Variants in HECTD4 observed in about 807,000 individuals in gnomAD.
The protein encoded by HECTD4 is HECT domain E3 ubiquitin protein ligase 4, also known as probable E3 ubiquitin-protein ligase HECTD4.
Under a neutral mutation model 471.5 loss-of-function variants are expected in HECTD4, and 114 were observed. The ratio of observed to expected loss-of-function variants is 0.24; its 90% CI spans 0.21 to 0.28. The LOEUF (loss-of-function observed/expected upper bound fraction) is 0.28. Among genes scored for constraint, HECTD4 ranks in the 10% least tolerant of loss-of-function variants. The probability of loss-of-function intolerance (pLI) is 1.00; values close to 1 mark genes in which losing one functional copy is unlikely to be tolerated. For missense variants in HECTD4, 3,866 were observed against 5,651.5 expected (o/e 0.68, Z 10.13); for synonymous variants, 2,012 against 2,256.0 (o/e 0.89, Z 3.07).
Position 112,213,088 on chromosome 12 carries a change from G to A in HECTD4, c.7466-438C>T, listed in dbSNP as rs1326037051. ...TGGAATTACAGTCGTGAGCCACCACGCCCAGCCTAAGTTTTTGTATTTAGA... is the reference window on the plus strand; with the variant it reads ...TGGAATTACAGTCGTGAGCCACCACACCCAGCCTAAGTTTTTGTATTTAGA... On this transcript the variant is annotated intron_variant, in intron 48 of 75. Transcript: ENST00000682272. The surrounding 1 kb of genome is among the most constrained non-coding windows in gnomAD (Gnocchi z 4.0). Among the ~76,000 whole-genome samples, 6 of 152,120 alleles carry A rather than the reference G, an allele frequency of 3.9e-5. No homozygotes were observed. Among genetic ancestry groups the A allele is most frequent in the Admixed American group, 1.3e-4 (2 of 15,266 alleles).
At chr12:112,244,922 A>C (rs1408233798) in intron 29 of HECTD4, among the ~76,000 whole-genome samples, 1 of 152,248 alleles carries the variant, frequency 6.6e-6, no homozygotes, top group African/African-American at 2.4e-5. Flanking sequence ...AGATAAAACT[A>C]TATGTCATGA....
In HECTD4 at chr12:112,184,782, T is replaced by C; in HGVS notation, c.10184A>G (p.His3395Arg). 1.2e-6 allele frequency: 2 copies of C among 1,611,098 alleles called. No individual in the cohort carries two copies. Among genetic ancestry groups the C allele is most frequent in the Non-Finnish European group, 1.7e-6 (2 of 1,178,028 alleles). The change falls in exon 61 of 76, where the codon CAC becomes CGC. Residue 3395 changes from histidine to arginine, a missense_variant. This residue lies in a region of HECTD4 where 71 missense variants were observed against 144.5 expected (regional missense o/e 0.49). Transcript: ENST00000682272. This position sits in a 1 kb window ranked among gnomAD's most constrained non-coding sequence, Gnocchi z 9.1. ...ACQALVGPTAHSRLLVISGIP... is the reference protein window; with the variant it reads ...ACQALVGPTARSRLLVISGIP... ...CCCGGAGATCACCAGCAAGCGGCTGTGGGCGGTGGGGCCCACCAGGGCCTG... is the reference window on the plus strand; with the variant it reads ...CCCGGAGATCACCAGCAAGCGGCTGCGGGCGGTGGGGCCCACCAGGGCCTG...
chr12:112,204,436 C>T (rs1367270083), intron 53 of HECTD4, 50 bp downstream of exon 53: 3 of 1,562,222 alleles, frequency 1.9e-6, no homozygotes, highest in South Asian at 1.2e-5. Context: ...AAAATTCAAC[C>T]TCTCATTTCA....
chr12:112,222,626 C>T (rs1196395165), intron 44 of HECTD4, among the ~76,000 whole-genome samples: 1 of 152,146 alleles, frequency 6.6e-6, no homozygotes, highest in African/African-American at 2.4e-5. Flanking sequence ...AAGATCGTGC[C>T]ACCGCACTCC....
intron 13 of HECTD4, among the ~76,000 whole-genome samples, chr12:112,268,696 C>T (rs142941158): frequency 1.5e-3 from 220 of 150,646 alleles, no homozygotes; most frequent in Non-Finnish European, 2.8e-3. Flanking sequence ...GCGGAGATTG[C>T]GGTGAGCTGA....
At position 112,162,633 on chromosome 12, in the gene HECTD4, C is replaced by A; in HGVS notation, c.13121-110G>T. 7.6e-7 allele frequency: 1 copy of A among 1,323,896 alleles called. No individual in the cohort carries two copies. Among genetic ancestry groups the A allele is most frequent in the Non-Finnish European group, 1.1e-6 (1 of 951,434 alleles). 82.0% of individuals were successfully genotyped at this position (1,323,896 alleles called of 1,614,324 possible). On this transcript the variant is annotated intron_variant, in intron 75 of 75. Transcript: ENST00000682272. This position sits in a 1 kb window ranked among gnomAD's most constrained non-coding sequence, Gnocchi z 5.2. ...TTTGCCTCCTTGGGTAGCCCCAAGC[C>A]AATCCTGGGGCCCAGCAGGAGGGGG...
intron 55 of HECTD4, among the ~76,000 whole-genome samples, chr12:112,200,230 C>T (rs568279953): frequency 3.3e-5 from 5 of 151,810 alleles, no homozygotes; most frequent in East Asian, 3.9e-4. Flanking sequence ...CTTGGCTCAC[C>T]GCAACCTCCG....
intron 64 of HECTD4, among the ~76,000 whole-genome samples, chr12:112,178,489 T>A (rs1049898400): frequency 2.6e-5 from 4 of 152,214 alleles, no homozygotes; most frequent in Non-Finnish European, 5.9e-5. Flanking sequence ...GAAACTCTGA[T>A]GTTCACCTGA....
At chr12:112,378,557 A>G (rs2036827541) in intron 1 of HECTD4, among the ~76,000 whole-genome samples, 1 of 152,094 alleles carries the variant, frequency 6.6e-6, no homozygotes, top group South Asian at 2.1e-4. Flanking sequence ...ACTCTTCTGC[A>G]GTAAGGTTGC....
chr12:112,345,889 C>T (rs867790803), intron 1 of HECTD4, among the ~76,000 whole-genome samples: 12 of 152,212 alleles, frequency 7.9e-5, no homozygotes, highest in African/African-American at 2.9e-4. Flanking sequence ...AGCGAGACTC[C>T]GTCTCAAAAA....
At chr12:112,369,296 T>C (rs575219590) in intron 1 of HECTD4, among the ~76,000 whole-genome samples, 2 of 152,178 alleles carry the variant, frequency 1.3e-5, no homozygotes, top group South Asian at 4.1e-4. Context: ...TGGATGCATC[T>C]TTTGGAGCGA....
rs1217914403 is a variant in HECTD4 at position 112,273,764 on chromosome 12, T to C, written c.1833A>G (p.Leu611=). Residue 611 remains leucine, a synonymous_variant, in exon 11 of 76, where the codon CTA becomes CTG. Transcript: ENST00000682272. ...CGATATAGTCATTTGAGCATGTCCA[T>C]AGCATGTTGTTCACTGTGTCATAAC... is the stretch of plus-strand genomic sequence containing the variant. The part of the protein sequence containing the change: ...GACYDTVNNM[L]WTCSNDYIDQ... The C allele has an allele frequency of 1.9e-6, 3 of 1,613,982 alleles. No individual in the cohort carries two copies. The highest frequency in any genetic ancestry group is 2.2e-5 in the East Asian group (1 of 44,890).
At chr12:112,200,867 G>A in intron 54 of HECTD4, 69 bp from the exon 55 acceptor site, 1 of 1,278,098 alleles carries the variant, frequency 7.8e-7, no homozygotes, top group South Asian at 1.4e-5. Flanking sequence ...GTGCGTGCGT[G>A]TGTGTGTGCG....
chr12:112,359,350 T>C (rs1424878902), intron 1 of HECTD4, among the ~76,000 whole-genome samples: 10 of 151,372 alleles, frequency 6.6e-5, no homozygotes, highest in African/African-American at 4.9e-5. Flanking sequence ...CAAAAAAAAA[T>C]TGCAAACTCT....
chr12:112,261,249 A>G (rs1317830255), intron 18 of HECTD4, 56 bp downstream of exon 18: 1 of 1,481,658 alleles, frequency 6.7e-7, no homozygotes, highest in Non-Finnish European at 9.0e-7. Context: ...TAATTTCAAT[A>G]AACAAACTTT....
intron 5 of HECTD4, 32 bp downstream of exon 5, chr12:112,309,529 C>T (rs1394519609): frequency 1.1e-6 from 1 of 916,952 alleles, no homozygotes; most frequent in Non-Finnish European, 1.7e-6. Flanking sequence ...AATGTTCTAG[C>T]CCAATCATTC....
chr12:112,250,286 C>T lies in HECTD4; in HGVS notation c.3808G>A (p.Glu1270Lys). 1 of 1,613,960 alleles carries T rather than the reference C, an allele frequency of 6.2e-7. No homozygotes were observed. Among genetic ancestry groups the T allele is most frequent in the Non-Finnish European group, 8.5e-7 (1 of 1,179,872 alleles). ...PLPLTIEEDR[E>K]FTYPSDVLVP... ...AGGACATCAGAGGGGTAGGTGAATT[C>T]TCTGTCTTCCTCTATGGTCAGAGGC... The change falls in exon 25 of 76, where the codon GAA (glutamate) becomes AAA (lysine). Residue 1270 changes from glutamate (E) to lysine (K), a missense_variant. Physicochemically the swap from Glu to Lys is moderately conservative, Grantham distance 56. Around this residue, in one of 16 missense-constraint regions of HECTD4, gnomAD observed 281 missense variants for 499.9 expected, o/e 0.56. Coordinates refer to ENST00000682272, the MANE Select transcript of HECTD4 (RefSeq NM_001388303.1).
chr12:112,231,752 C>T, intron 38 of HECTD4, 37 bp from the exon 39 acceptor site: 1 of 1,525,504 alleles, frequency 6.6e-7, no homozygotes, highest in South Asian at 1.2e-5. Flanking sequence ...AGATTCATTT[C>T]AGTCTTCCCA....
In HECTD4 at chr12:112,247,526, A is replaced by G. The variant is rs2033789180; in HGVS notation, c.4273T>C (p.Leu1425=). The change falls in exon 28 of 76, where the codon TTA becomes CTA. Residue 1425 remains leucine (L), a synonymous_variant. Transcript: ENST00000682272. ...AAGGAGACTTCCTTCATTGAACATA[A>G]AAGTTCTAGTTCTTTCATTTTGTTC... ...NENKMKELEL[L]CSMKEVSFDG... is the part of the protein sequence containing the mutation. 2.0e-6 allele frequency: 3 copies of G among 1,530,890 alleles called. No individual in the cohort carries two copies. The highest frequency in any genetic ancestry group is 1.3e-5 in the South Asian group (1 of 79,676). The allele number at this position is 1,530,890 out of a possible 1,614,324, so 94.8% of individuals were successfully genotyped here.
Sources: gnomAD v4.1 joint callset for allele counts (sites outside exome capture counted in the v4.1 genomes callset) on GRCh38, gnomAD v4.1.1 for gene constraint, gnomAD v4.1.1 regional missense constraint, Gnocchi (gnomAD v3.1) non-coding constraint, MANE v1.5 for transcripts, NCBI Gene and HGNC (gene_info 2026-07-23, HGNC 2026-07-21) for gene names.